PXDNL: variants seen among roughly 807,000 people sequenced by gnomAD.
PXDNL encodes probable oxidoreductase PXDNL.
In PXDNL, 145 loss-of-function variants were observed where a neutral mutation model predicts 150.8. That is an observed-to-expected ratio of 0.96 (90% CI 0.84 to 1.10). The LOEUF is 1.10. PXDNL is among the 50% of genes least tolerant of loss of function. The pLI is 0.00. For missense variants in PXDNL, 2,087 were observed against 1,873.9 expected (o/e 1.11, Z -2.10); for synonymous variants, 757 against 725.7 (o/e 1.04, Z -0.69).
At chr8:51,600,536 TAATA>T (rs1370073640) in intron 2 of PXDNL, among the ~76,000 whole-genome samples, 9 of 134,298 alleles carry the variant, frequency 6.7e-5, no homozygotes, top group Non-Finnish European at 1.4e-4. Flanking sequence ...ATCATTTAGA[TAATA>T]AATTATATCT....
intron 14 of PXDNL, among the ~76,000 whole-genome samples, chr8:51,418,480 T>C (rs1467366925): frequency 6.6e-6 from 1 of 152,192 alleles, no homozygotes; most frequent in Non-Finnish European, 1.5e-5. Flanking sequence ...ACAACTTCAG[T>C]GGCTTAGAAA....
chr8:51,510,547 A>G (rs2130342015), intron 4 of PXDNL, among the ~76,000 whole-genome samples: 1 of 152,298 alleles, frequency 6.6e-6, no homozygotes, highest in South Asian at 2.1e-4. Context: ...CAAAGCATAC[A>G]AGGGAAAGGA....
rs1267740717 is a variant in PXDNL, at chr8:51,634,857, T to C, written c.236+19832A>G. Among the ~76,000 whole-genome samples the C allele has an allele frequency of 2.0e-5, 3 of 152,174 alleles. No homozygotes were observed. The East Asian group carries it at 5.8e-4, about 29-fold the overall frequency. On this transcript the variant is annotated intron_variant, in intron 2 of 22. Coordinates refer to ENST00000356297, the MANE Select transcript of PXDNL (RefSeq NM_144651.5). ...TGTGAAACCTTACTGAAGTCACTTA[T>C]CAGTTCTGGGAGCCTTTTGGTGGAA...
intron 1 of PXDNL, among the ~76,000 whole-genome samples, chr8:51,774,154 G>T (rs1255671695): frequency 6.6e-6 from 1 of 152,142 alleles, no homozygotes; most frequent in Admixed American, 6.5e-5. Flanking sequence ...TGAAACAACA[G>T]AATTCTTTCA....
At chr8:51,375,775 G>A (rs533666219) in intron 17 of PXDNL, among the ~76,000 whole-genome samples, 3 of 152,124 alleles carry the variant, frequency 2.0e-5, no homozygotes, top group Non-Finnish European at 4.4e-5. Context: ...TAGACTAGGC[G>A]TCAGCAAATT....
chr8:51,744,698 G>A (rs1415932708), intron 1 of PXDNL, among the ~76,000 whole-genome samples: 6 of 93,184 alleles, frequency 6.4e-5, no homozygotes, highest in East Asian at 3.1e-4. Flanking sequence ...AAAAAAAAAG[G>A]AAGGAAAGAA....
intron 10 of PXDNL, among the ~76,000 whole-genome samples, chr8:51,452,937 C>CACATACACACACACACACACACAA (rs1554541855): frequency 0.24 from 35,945 of 149,184 alleles, 4,410 homozygotes; most frequent in Middle Eastern, 0.29. Context: ...CACACACAAA[C>CACATACACACACACACACACACAA]ACACACACAC....
chr8:51,635,532 A>C (rs772654337), intron 2 of PXDNL, among the ~76,000 whole-genome samples: 1 of 152,050 alleles, frequency 6.6e-6, no homozygotes, highest in Non-Finnish European at 1.5e-5. Flanking sequence ...AATACTACTG[A>C]CTTTATTAAA....
At position 51,365,104 on chromosome 8, in the gene PXDNL, AT is replaced by A. The variant is rs1337396517; in HGVS notation, c.3901+6768del. Among the ~76,000 whole-genome samples, 5 of 151,976 alleles carry A rather than the reference AT, an allele frequency of 3.3e-5. No homozygotes were observed. In the East Asian group the frequency reaches 9.7e-4, roughly 29 times the overall value. ...TACAGGCACCCACCACACCCAGCTA[AT>A]TTTTGTACTTTTAGTAGAGATGGGG... On this transcript the variant is annotated intron_variant, in intron 19 of 22. Coordinates refer to ENST00000356297, the MANE Select transcript of PXDNL (RefSeq NM_144651.5).
intron 5 of PXDNL, among the ~76,000 whole-genome samples, chr8:51,497,168 G>A (rs1289936361): frequency 1.3e-5 from 2 of 152,000 alleles, no homozygotes; most frequent in Non-Finnish European, 2.9e-5. Context: ...AAACCTGATG[G>A]AAACAAGAAA....
rs1373829340 is a variant in PXDNL at position 51,720,998 on chromosome 8, G to A, written c.165-66238C>T. Among the ~76,000 whole-genome samples, 3 of 152,206 alleles carry A rather than the reference G, an allele frequency of 2.0e-5. No individual in the cohort carries two copies. In the East Asian group the frequency reaches 5.8e-4, roughly 29 times the overall value. ...CCACCACGGCCCCAGGATATCCGTG[G>A]CTCTTCCAGATAGTGACAGGGACGG... On this transcript the variant is annotated intron_variant, in intron 1 of 22. Transcript: ENST00000356297.
At chr8:51,695,533 T>A (rs927619962) in intron 1 of PXDNL, among the ~76,000 whole-genome samples, 1 of 152,094 alleles carries the variant, frequency 6.6e-6, no homozygotes, top group Admixed American at 6.5e-5. Context: ...TATGTTTTGG[T>A]CTTGGTGTCA....
chr8:51,571,517 A>G (rs1467053288), intron 3 of PXDNL, among the ~76,000 whole-genome samples: 1 of 151,862 alleles, frequency 6.6e-6, no homozygotes, highest in Non-Finnish European at 1.5e-5. Flanking sequence ...AATAAGGCTT[A>G]AGCTAAAATG....
chr8:51,723,849 T>C (rs1223407165), intron 1 of PXDNL, among the ~76,000 whole-genome samples: 1 of 151,842 alleles, frequency 6.6e-6, no homozygotes, highest in Non-Finnish European at 1.5e-5. Flanking sequence ...ATGAGAGGAC[T>C]GCATTGCGGA....
intron 2 of PXDNL, among the ~76,000 whole-genome samples, chr8:51,644,753 GGAT>G (rs1301756848): frequency 1.3e-5 from 2 of 151,780 alleles, no homozygotes; most frequent in African/African-American, 4.8e-5. Flanking sequence ...CACCGCGCCG[GGAT>G]GATATTTATA....
intron 5 of PXDNL, 47 bp from the exon 6 acceptor site, chr8:51,483,761 T>C (rs1318786466): frequency 9.0e-7 from 1 of 1,111,608 alleles, no homozygotes; most frequent in East Asian, 2.6e-5. Context: ...TAATAATGAA[T>C]TTGACAAACA....
chr8:51,487,851 G>A lies in PXDNL; in HGVS notation c.453-4137C>T, dbSNP rs908363077. On this transcript the variant is annotated intron_variant, in intron 5 of 22. Transcript: ENST00000356297. ...ATTCCTATCCAGGTGTTAGAGGTTA[G>A]TACTTATGAATGTAACACAAAGGCG... 2.0e-5 allele frequency among the ~76,000 whole-genome samples: 3 copies of A among 152,270 alleles called. No homozygotes were observed. The South Asian group carries it at 6.2e-4, about 32-fold the overall frequency.
intron 22 of PXDNL, among the ~76,000 whole-genome samples, chr8:51,320,557 T>C (rs1484811843): frequency 2.6e-5 from 4 of 152,230 alleles, no homozygotes; most frequent in Admixed American, 6.5e-5. Flanking sequence ...TCAGTGAACA[T>C]GGAAAAAGCT....
At chr8:51,510,872 A>AT (rs889351551) in intron 4 of PXDNL, among the ~76,000 whole-genome samples, 2 of 152,028 alleles carry the variant, frequency 1.3e-5, no homozygotes, top group African/African-American at 4.8e-5. Flanking sequence ...GCTGGTCTGT[A>AT]TTTTTTTAAG....
Sources: gnomAD v4.1 joint callset for allele counts (sites outside exome capture counted in the v4.1 genomes callset) on GRCh38, gnomAD v4.1.1 for gene constraint, MANE v1.5 for transcripts, NCBI Gene and HGNC (gene_info 2026-07-23, HGNC 2026-07-21) for gene names.